The following KCNH1 variants were observed in gnomAD, a reference collection of about 807,000 sequenced individuals.
The protein encoded by KCNH1 is potassium voltage-gated channel subfamily H member 1.
A neutral mutation model predicts 69.2 loss-of-function variants in KCNH1; 27 were observed. That is an observed-to-expected ratio of 0.39 (90% confidence interval 0.29 to 0.54). The LOEUF (loss-of-function observed/expected upper bound fraction) is 0.54, where lower values mean the gene tolerates loss of function less well. Among genes scored for constraint, KCNH1 ranks in the 20% least tolerant of loss-of-function variants. KCNH1 has a pLI of 0.68. For missense variants in KCNH1, 798 were observed against 1,261.6 expected (o/e 0.63, Z 5.57); for synonymous variants, 456 against 487.7 (o/e 0.93, Z 0.86).
chr1:210,848,093 T>C (rs574662570), intron 7 of KCNH1, among the ~76,000 whole-genome samples: 3 of 152,220 alleles, frequency 2.0e-5, no homozygotes, highest in Non-Finnish European at 4.4e-5. Flanking sequence ...AAGAGAGTTA[T>C]AGGTTCTTGG....
intron 6 of KCNH1, among the ~76,000 whole-genome samples, chr1:210,955,528 C>A (rs562004267): frequency 9.6e-4 from 146 of 152,260 alleles, no homozygotes; most frequent in African/African-American, 3.4e-3. Flanking sequence ...TTCTTCCTGT[C>A]CATGAGCATG....
chr1:210,996,181 G>A (rs1049260241), intron 6 of KCNH1, among the ~76,000 whole-genome samples: 5 of 152,206 alleles, frequency 3.3e-5, no homozygotes, highest in Non-Finnish European at 7.3e-5. Context: ...GAAGCAGGGT[G>A]AGGCATCGCC....
At chr1:211,039,368 T>C (rs1381820744) in intron 5 of KCNH1, among the ~76,000 whole-genome samples, 2 of 152,160 alleles carry the variant, frequency 1.3e-5, no homozygotes, top group African/African-American at 4.8e-5. Context: ...TCTAGGGCAA[T>C]GTGGAAGGGA....
At position 211,023,550 on chromosome 1, in the gene KCNH1, G is replaced by A. The variant is rs541750328; in HGVS notation, c.559-4294C>T. ...ATATTATGTTAAATGAAATAAGCCA[G>A]GCACAGAAGGACAAATACCACATGT... On this transcript the variant is annotated intron_variant, in intron 5 of 10. Coordinates refer to ENST00000271751, the MANE Select transcript of KCNH1 (RefSeq NM_172362.3). Among the ~76,000 whole-genome samples the A allele has an allele frequency of 3.1e-4, 47 of 151,828 alleles. No individual in the cohort carries two copies. In the South Asian group the frequency reaches 9.2e-3, roughly 30 times the overall value.
At chr1:211,011,704 G>C (rs4951702) in intron 6 of KCNH1, among the ~76,000 whole-genome samples, 117,385 of 151,980 alleles carry the variant, frequency 0.77, 46,032 homozygotes, top group African/African-American at 0.89. Flanking sequence ...GTTAGAAATG[G>C]TCCCCTAGCC....
rs1681274332 is a variant in KCNH1, at chr1:210,681,846, G to T, written c.*1435C>A. 1 of 152,164 alleles carries T rather than the reference G, an allele frequency of 6.6e-6. No individual in the cohort carries two copies. Among genetic ancestry groups the T allele is most frequent in the Non-Finnish European group, 1.5e-5 (1 of 68,048 alleles). 9.4% of individuals were successfully genotyped at this position (152,164 alleles called of 1,614,324 possible). A position where few individuals can be genotyped will look rare whatever the true frequency, so the allele number is the denominator to read the frequency against. Reference sequence around the variant, plus strand: ...TGGGGTCCTGACACCTCTCTCTAGGGCATATGCCCCGGCCAGCTCCACTGT... The same window carrying T: ...TGGGGTCCTGACACCTCTCTCTAGGTCATATGCCCCGGCCAGCTCCACTGT... On this transcript the variant is annotated 3_prime_UTR_variant, in exon 11 of 11. Transcript: ENST00000271751.
intron 7 of KCNH1, among the ~76,000 whole-genome samples, chr1:210,868,784 G>T (rs1321663309): frequency 6.6e-6 from 1 of 151,730 alleles, no homozygotes; most frequent in Non-Finnish European, 1.5e-5. Flanking sequence ...CTATAATTTG[G>T]TCATTTCAAG....
chr1:211,112,293 C>G (rs1691485781), intron 1 of KCNH1, among the ~76,000 whole-genome samples: 2 of 135,390 alleles, frequency 1.5e-5, no homozygotes, highest in Admixed American at 7.3e-5. Flanking sequence ...CGCCCACCCC[C>G]CTCCACCCCT....
rs188731621 is a variant in KCNH1 at position 210,992,228 on chromosome 1, T to C, written c.1032+26555A>G. 1.9e-3 allele frequency among the ~76,000 whole-genome samples: 296 copies of C among 152,290 alleles called. 2 individuals are homozygous for C. The Middle Eastern group carries it at 0.024, about 12-fold the overall frequency. On this transcript the variant is annotated intron_variant, in intron 6 of 10. Transcript: ENST00000271751. Reference sequence around the variant, plus strand: ...GAGGATAACCAATATCTGTAATCTATAAGTACAAGCACGTATCTAATAAGA... The same window carrying C: ...GAGGATAACCAATATCTGTAATCTACAAGTACAAGCACGTATCTAATAAGA...
At position 210,717,031 on chromosome 1, in the gene KCNH1, A is replaced by G. The variant is rs369041696; in HGVS notation, c.2113-32893T>C. Among the ~76,000 whole-genome samples, 55 of 152,276 alleles carry G rather than the reference A, an allele frequency of 3.6e-4. 1 individual carries two copies. In the South Asian group the frequency reaches 0.011, roughly 30 times the overall value. ...AGTTTATATCTTCCATTTGAGTTATATCTTCTATTTCACCACATACTGATT... is the reference window on the plus strand; with the variant it reads ...AGTTTATATCTTCCATTTGAGTTATGTCTTCTATTTCACCACATACTGATT... On this transcript the variant is annotated intron_variant, in intron 10 of 10. Coordinates refer to ENST00000271751, the MANE Select transcript of KCNH1 (RefSeq NM_172362.3).
chr1:210,968,884 T>A (rs1041860116), intron 6 of KCNH1, among the ~76,000 whole-genome samples: 1 of 152,128 alleles, frequency 6.6e-6, no homozygotes, highest in Non-Finnish European at 1.5e-5. Flanking sequence ...TCTTAAAATA[T>A]CCCCCCATTA....
intron 5 of KCNH1, among the ~76,000 whole-genome samples, chr1:211,025,460 A>G (rs1174611139): frequency 1.3e-5 from 2 of 152,136 alleles, no homozygotes; most frequent in Non-Finnish European, 2.9e-5. Context: ...CTCCATGAAA[A>G]GGAAATTACA....
chr1:210,801,526 A>G (rs1362096687), intron 8 of KCNH1, among the ~76,000 whole-genome samples: 3 of 152,276 alleles, frequency 2.0e-5, no homozygotes, highest in Non-Finnish European at 4.4e-5. Context: ...CCTCCAGGAA[A>G]GTGAGGGCAG....
At chr1:210,853,025 G>T (rs1228671090) in intron 7 of KCNH1, among the ~76,000 whole-genome samples, 4 of 152,044 alleles carry the variant, frequency 2.6e-5, no homozygotes, top group Admixed American at 2.0e-4. Context: ...TGGAAATCAA[G>T]CATGAATATA....
intron 5 of KCNH1, among the ~76,000 whole-genome samples, chr1:211,034,082 G>A (rs760784440): frequency 1.6e-4 from 25 of 152,100 alleles, no homozygotes; most frequent in Non-Finnish European, 3.5e-4. Flanking sequence ...TACACTCCTG[G>A]GCATTTATCC....
chr1:210,924,368 C>A (rs1046506757), intron 6 of KCNH1, among the ~76,000 whole-genome samples: 7 of 152,124 alleles, frequency 4.6e-5, no homozygotes, highest in Non-Finnish European at 8.8e-5. Context: ...AAAATTCTTT[C>A]TTGTTATAAA....
chr1:211,000,240 C>T (rs1286148722), intron 6 of KCNH1, among the ~76,000 whole-genome samples: 2 of 152,176 alleles, frequency 1.3e-5, no homozygotes, highest in Admixed American at 6.5e-5. Flanking sequence ...TTGCAGATGT[C>T]ATGATTGTAT....
At chr1:210,692,042 G>A (rs1181897984) in intron 10 of KCNH1, among the ~76,000 whole-genome samples, 1 of 152,178 alleles carries the variant, frequency 6.6e-6, no homozygotes, top group African/African-American at 2.4e-5. Flanking sequence ...TGTTCTCAGG[G>A]GACCTGGTCC....
In KCNH1 at chr1:210,861,773, C is replaced by CCAA. The variant is rs1685983419; in HGVS notation, c.1463-57608_1463-57607insTTG. ...AGAACTGACAGAAAATGCTGCATTGCTGCTACCAATGGACTCCACTCCTCT... is the reference window on the plus strand; with the variant it reads ...AGAACTGACAGAAAATGCTGCATTGCCAATGCTACCAATGGACTCCACTCCTCT... On this transcript the variant is annotated intron_variant, in intron 7 of 10. Transcript: ENST00000271751. 3.9e-6 allele frequency: 3 copies of CCAA among 772,702 alleles called. No homozygotes were observed. In the African/African-American group the frequency reaches 5.1e-5, roughly 13 times the overall value. The allele number at this position is 772,702 out of a possible 1,614,324, so 47.9% of individuals were successfully genotyped here. A position where few individuals can be genotyped will look rare whatever the true frequency, so the allele number is the denominator to read the frequency against.
Sources: gnomAD v4.1 joint callset for allele counts (sites outside exome capture counted in the v4.1 genomes callset) on GRCh38, gnomAD v4.1.1 for gene constraint, MANE v1.5 for transcripts, NCBI Gene and HGNC (gene_info 2026-07-23, HGNC 2026-07-21) for gene names.